The following LRBA variants were observed in gnomAD, a reference collection of about 807,000 sequenced individuals.
LRBA encodes the protein lipopolysaccharide-responsive and beige-like anchor protein.
LRBA carries 176 observed loss-of-function variants against 330.0 expected under a neutral mutation model. That is an observed-to-expected ratio of 0.53 (90% CI 0.47 to 0.60). LRBA has a LOEUF of 0.60. Among genes scored for constraint, LRBA ranks in the 20% least tolerant of loss-of-function variants. The pLI, the probability that LRBA is intolerant of heterozygous loss-of-function variation, is 0.00. For missense variants in LRBA, 3,259 were observed against 3,444.8 expected (o/e 0.95, Z 1.35); for synonymous variants, 1,230 against 1,193.0 (o/e 1.03, Z -0.64).
chr4:150,481,241 T>G (rs914860394), intron 42 of LRBA, among the ~76,000 whole-genome samples: 1 of 152,092 alleles, frequency 6.6e-6, no homozygotes, highest in African/African-American at 2.4e-5. Context: ...CACTTATCTG[T>G]TGCTGAACAC....
intron 40 of LRBA, among the ~76,000 whole-genome samples, chr4:150,546,763 C>T (rs181943944): frequency 3.9e-5 from 6 of 152,146 alleles, no homozygotes; most frequent in African/African-American, 1.4e-4. Context: ...GTTTCACAGA[C>T]TTGGAAAAAC....
chr4:150,287,787 G>A (rs74383741), intron 53 of LRBA, among the ~76,000 whole-genome samples: 1,678 of 152,252 alleles, frequency 0.011, 34 homozygotes, highest in African/African-American at 0.038. Context: ...AAGGGGCTTC[G>A]TTTCATTTGA....
chr4:150,285,904 T>C, intron 54 of LRBA, 29 bp downstream of exon 54: 1 of 1,384,542 alleles, frequency 7.2e-7, no homozygotes, highest in Middle Eastern at 1.8e-4. Context: ...AAGAAATGCA[T>C]CCATTTTGTG....
chr4:150,922,003 G>C (rs193234730), intron 4 of LRBA, among the ~76,000 whole-genome samples: 1 of 152,128 alleles, frequency 6.6e-6, no homozygotes, highest in South Asian at 2.1e-4. Flanking sequence ...GATTACAGGC[G>C]TAAGCCACTG....
At chr4:150,372,942 C>T (rs1407203513) in intron 47 of LRBA, among the ~76,000 whole-genome samples, 1 of 151,796 alleles carries the variant, frequency 6.6e-6, no homozygotes, top group African/African-American at 2.4e-5. Flanking sequence ...TCTTTTGAAT[C>T]ATTTGATCTG....
At chr4:150,763,194 A>G (rs1349450189) in intron 34 of LRBA, among the ~76,000 whole-genome samples, 1 of 152,038 alleles carries the variant, frequency 6.6e-6, no homozygotes, top group Non-Finnish European at 1.5e-5. Context: ...AGAGAAGAAA[A>G]AGTAACGTAT....
chr4:150,277,360 T>G (rs1331246615), intron 56 of LRBA, among the ~76,000 whole-genome samples: 1 of 152,082 alleles, frequency 6.6e-6, no homozygotes, highest in Non-Finnish European at 1.5e-5. Flanking sequence ...CCATGGCACA[T>G]GTATACCTAT....
intron 37 of LRBA, among the ~76,000 whole-genome samples, chr4:150,628,988 C>G (rs1025435873): frequency 2.0e-5 from 3 of 152,184 alleles, no homozygotes; most frequent in African/African-American, 4.8e-5. Context: ...GCCTCAAACT[C>G]TTGGGCTCAA....
intron 35 of LRBA, among the ~76,000 whole-genome samples, chr4:150,745,857 T>A (rs1582221884): frequency 6.6e-6 from 1 of 152,130 alleles, no homozygotes; most frequent in African/African-American, 2.4e-5. Context: ...AACCGAAACA[T>A]CCCTTTCTAT....
At chr4:150,588,327 G>T (rs1173687539) in intron 39 of LRBA, 143 bp from the exon 40 acceptor site, 1 of 707,664 alleles carries the variant, frequency 1.4e-6, no homozygotes, top group Non-Finnish European at 2.1e-6. Context: ...TAAATATTCT[G>T]TCCACCCCAA....
At chr4:150,550,767 A>G (rs1017705979) in intron 40 of LRBA, among the ~76,000 whole-genome samples, 1 of 152,214 alleles carries the variant, frequency 6.6e-6, no homozygotes, top group Non-Finnish European at 1.5e-5. Flanking sequence ...CTCAAATAAC[A>G]TCAGGTCTCT....
intron 17 of LRBA, among the ~76,000 whole-genome samples, chr4:150,880,117 C>CA (rs1205371299): frequency 1.9e-4 from 29 of 152,130 alleles, no homozygotes; most frequent in Admixed American, 8.5e-4. Flanking sequence ...TGATCTTTGA[C>CA]AAAGTAGAGA....
At chr4:150,765,182 G>A (rs1374964394) in intron 34 of LRBA, among the ~76,000 whole-genome samples, 14 of 151,944 alleles carry the variant, frequency 9.2e-5, no homozygotes, top group Non-Finnish European at 8.8e-5. Context: ...GTTACATACT[G>A]TATGATTTCT....
chr4:150,386,418 A>G, intron 47 of LRBA, among the ~76,000 whole-genome samples: 1 of 59,794 alleles, frequency 1.7e-5, no homozygotes, highest in Non-Finnish European at 3.3e-5. Context: ...CCTTCCTCCC[A>G]CCCCCCACCC....
rs78058614 is a variant in LRBA at position 150,908,888 on chromosome 4, A to G, written c.1162-31T>C. 1.8e-4 allele frequency: 269 copies of G among 1,454,726 alleles called. No homozygotes were observed. In the East Asian group the frequency reaches 6.0e-3, roughly 33 times the overall value. 90.1% of individuals were successfully genotyped at this position (1,454,726 alleles called of 1,614,324 possible). On this transcript the variant is annotated intron_variant, in intron 9 of 56. Coordinates refer to ENST00000651943, the MANE Select transcript of LRBA (RefSeq NM_001364905.1). ...AATTAATTAAAAACAGTTAAATAGT[A>G]TGCCACAAAGAGAATCTAAGTACAA...
chr4:150,410,734 C>T (rs1746869974), intron 47 of LRBA, among the ~76,000 whole-genome samples: 1 of 152,134 alleles, frequency 6.6e-6, no homozygotes, highest in Admixed American at 6.5e-5. Context: ...CCAATAAATA[C>T]ATGTTAAATG....
intron 22 of LRBA, among the ~76,000 whole-genome samples, chr4:150,855,403 T>C (rs930896119): frequency 6.6e-6 from 1 of 152,226 alleles, no homozygotes; most frequent in African/African-American, 2.4e-5. Context: ...AATAGGCCAT[T>C]TATTTCTACA....
At chr4:150,536,242 G>A (rs1764643955) in intron 40 of LRBA, among the ~76,000 whole-genome samples, 2 of 151,972 alleles carry the variant, frequency 1.3e-5, no homozygotes, top group Admixed American at 1.3e-4. Flanking sequence ...AAGTTACAAG[G>A]GATATTTTTG....
intron 34 of LRBA, among the ~76,000 whole-genome samples, chr4:150,796,518 T>C (rs1740812037): frequency 6.6e-6 from 1 of 151,976 alleles, no homozygotes; most frequent in African/African-American, 2.4e-5. Flanking sequence ...AATTTCTGAC[T>C]TGAAACTTAC....
Sources: allele counts gnomAD v4.1 joint callset (sites outside exome capture counted in the v4.1 genomes callset), GRCh38; gene constraint gnomAD v4.1.1; transcripts MANE v1.5; gene names NCBI Gene and HGNC (gene_info 2026-07-23, HGNC 2026-07-21).